TLE1: variants seen among roughly 807,000 people sequenced by gnomAD.
The protein encoded by TLE1 is transducin-like enhancer protein 1.
Under a neutral mutation model 89.8 loss-of-function variants are expected in TLE1, and 21 were observed. The observed-to-expected ratio is 0.23, with a 90% CI of 0.17 to 0.34. The LOEUF is 0.34. TLE1 is among the 10% of genes least tolerant of loss of function. The pLI is 1.00. For missense variants in TLE1, 795 were observed against 1,031.2 expected, an observed-to-expected ratio of 0.77 and a Z score of 3.14; for synonymous variants, 447 against 407.6, an observed-to-expected ratio of 1.10 and a Z score of -1.16.
intron 4 of TLE1, among the ~76,000 whole-genome samples, chr9:81,674,734 G>T (rs1832673819): frequency 6.6e-6 from 1 of 152,150 alleles, no homozygotes; most frequent in African/African-American, 2.4e-5. Context: ...AATCTCAAGT[G>T]ACAGTTGAGA....
intron 16 of TLE1, 80 bp from the exon 17 acceptor site, chr9:81,587,908 G>C (rs1450927937): frequency 3.3e-6 from 2 of 601,572 alleles, no homozygotes; most frequent in Non-Finnish European, 4.7e-6. Flanking sequence ...GTTTTGGACC[G>C]TGTGTGTGTG....
intron 9 of TLE1, among the ~76,000 whole-genome samples, chr9:81,617,671 T>C (rs921551849): frequency 3.9e-5 from 6 of 151,940 alleles, no homozygotes; most frequent in Non-Finnish European, 8.8e-5. Context: ...CACTGCACTC[T>C]GGCCTAGCCG....
At chr9:81,688,187 G>GC (rs754300907) in intron 1 of TLE1, 30 bp downstream of exon 1, 83 of 1,600,152 alleles carry the variant, frequency 5.2e-5, no homozygotes, top group African/African-American at 1.4e-4. Context: ...AACGATCCTG[G>GC]CCCCCCACCA....
intron 6 of TLE1, 99 bp downstream of exon 6, chr9:81,652,115 A>ACG: frequency 2.7e-6 from 3 of 1,120,882 alleles, no homozygotes; most frequent in Non-Finnish European, 4.0e-6. Flanking sequence ...ATACACACAC[A>ACG]CACACACACA....
intron 4 of TLE1, among the ~76,000 whole-genome samples, chr9:81,654,766 G>A (rs530458251): frequency 6.6e-6 from 1 of 152,274 alleles, no homozygotes; most frequent in Non-Finnish European, 1.5e-5. Context: ...TCAAAGATGA[G>A]GCCTAAGGTG....
intron 4 of TLE1, among the ~76,000 whole-genome samples, chr9:81,674,701 T>C (rs1215757039): frequency 6.6e-6 from 1 of 152,008 alleles, no homozygotes; most frequent in Non-Finnish European, 1.5e-5. Flanking sequence ...GTAAGGGGAG[T>C]CCAGCTTTTC....
At position 81,593,111 on chromosome 9, in the gene TLE1, CGT is replaced by C; in HGVS notation, c.1493_1494del (p.His498ArgfsTer20). 6.2e-7 allele frequency: 1 copy of C among 1,614,126 alleles called. No individual in the cohort carries two copies. Reference sequence around the variant, plus strand: ...ACGCAGCCCTTCCCGCCTGTGTACACGTGTCTCGTGGGGTTGCTGATGGTCAC... The same window carrying C: ...ACGCAGCCCTTCCCGCCTGTGTACACGTCTCGTGGGGTTGCTGATGGTCAC... ...CAVTISNPTR[H>X]VYTGGKGCVK... On this transcript the variant is annotated frameshift_variant, in exon 15 of 20. Transcript: ENST00000376499. LOFTEE classifies it high-confidence loss of function.
At chr9:81,687,619 G>A (rs1834481618) in intron 1 of TLE1, among the ~76,000 whole-genome samples, 185 bp from the exon 2 acceptor site, 1 of 152,134 alleles carries the variant, frequency 6.6e-6, no homozygotes, top group Non-Finnish European at 1.5e-5. Context: ...CCCGGGCCCC[G>A]GCTTCTAAAG....
rs781315549 is a variant in TLE1, at chr9:81,685,670, G to A, written c.234+6C>T. On this transcript the variant is annotated splice_donor_region_variant and intron_variant, in intron 4 of 19. Coordinates refer to ENST00000376499, the MANE Select transcript of TLE1 (RefSeq NM_005077.5). ...CATTTCAGCTTGAAGTTCAACTAAAGCTTACCTGTTTGTGCATTTCAATGT... is the reference window on the plus strand; with the variant it reads ...CATTTCAGCTTGAAGTTCAACTAAAACTTACCTGTTTGTGCATTTCAATGT... 3 of 1,613,104 alleles carry A rather than the reference G, an allele frequency of 1.9e-6. No individual in the cohort carries two copies. The East Asian group carries it at 6.7e-5, about 36-fold the overall frequency.
At chr9:81,658,290 T>C (rs1272823808) in intron 4 of TLE1, among the ~76,000 whole-genome samples, 2 of 152,056 alleles carry the variant, frequency 1.3e-5, no homozygotes, top group African/African-American at 2.4e-5. Flanking sequence ...AACCCACAGA[T>C]ACAAAGGGCC....
At chr9:81,598,098 G>A (rs921599222) in intron 14 of TLE1, among the ~76,000 whole-genome samples, 1 of 152,138 alleles carries the variant, frequency 6.6e-6, no homozygotes, top group African/African-American at 2.4e-5. Context: ...CTCTGGATGT[G>A]AAATTGTTAG....
At chr9:81,628,985 G>T (rs2132289277) in intron 8 of TLE1, among the ~76,000 whole-genome samples, 1 of 152,202 alleles carries the variant, frequency 6.6e-6, no homozygotes, top group Admixed American at 6.5e-5. Context: ...GTCTGCTCTG[G>T]AGTCTCCTCC....
At chr9:81,589,723 G>A (rs1188076909) in intron 16 of TLE1, among the ~76,000 whole-genome samples, 1 of 152,132 alleles carries the variant, frequency 6.6e-6, no homozygotes, top group Non-Finnish European at 1.5e-5. Context: ...AAAGTGCTTA[G>A]AATTGATATT....
chr9:81,635,577 T>G (rs1244166680), intron 6 of TLE1, among the ~76,000 whole-genome samples: 1 of 152,212 alleles, frequency 6.6e-6, no homozygotes, highest in East Asian at 1.9e-4. Flanking sequence ...TAAAAATGAT[T>G]AAGGCTCAAT....
chr9:81,655,147 T>C (rs989098793), intron 4 of TLE1, among the ~76,000 whole-genome samples: 3 of 152,120 alleles, frequency 2.0e-5, no homozygotes, highest in Non-Finnish European at 4.4e-5. Context: ...ATGTGGATTA[T>C]GAGGTCAGGA....
intron 6 of TLE1, among the ~76,000 whole-genome samples, chr9:81,640,307 T>A (rs1446368996): frequency 4.6e-5 from 7 of 152,094 alleles, no homozygotes; most frequent in African/African-American, 1.7e-4. Flanking sequence ...ACATTCACTG[T>A]CCTTTCATCG....
At chr9:81,671,124 C>T (rs60495961) in intron 4 of TLE1, among the ~76,000 whole-genome samples, 15,210 of 152,024 alleles carry the variant, frequency 0.1, 2,334 homozygotes, top group African/African-American at 0.33. Flanking sequence ...ACTGAGATCA[C>T]GCCACTGCAC....
chr9:81,666,785 A>AAATAAATG (rs1275868137), intron 4 of TLE1, among the ~76,000 whole-genome samples: 1 of 126,270 alleles, frequency 7.9e-6, no homozygotes, highest in African/African-American at 2.6e-5. Context: ...CAAAATAAAT[A>AAATAAATG]AATAAATAAA....
At position 81,648,285 on chromosome 9, in the gene TLE1, A is replaced by AC. The variant is rs1554688708; in HGVS notation, c.372+3928dup. On this transcript the variant is annotated intron_variant, in intron 6 of 19. Transcript: ENST00000376499. Reference sequence around the variant, plus strand: ...AACACTGTCTCCAAAAAAAAAAAAAACCCAAGCATCTTTAGCTCTTCTTTC... The same window carrying AC: ...AACACTGTCTCCAAAAAAAAAAAAAACCCCAAGCATCTTTAGCTCTTCTTTC... 2.6e-5 allele frequency among the ~76,000 whole-genome samples: 4 copies of AC among 151,380 alleles called. No individual in the cohort carries two copies. In the East Asian group the frequency reaches 5.8e-4, roughly 22 times the overall value.
Sources: allele counts gnomAD v4.1 joint callset (sites outside exome capture counted in the v4.1 genomes callset), GRCh38; gene constraint gnomAD v4.1.1; transcripts MANE v1.5; gene names NCBI Gene and HGNC (gene_info 2026-07-23, HGNC 2026-07-21).